The following SH2D4B variants were observed in gnomAD, a reference collection of about 807,000 sequenced individuals.
SH2D4B encodes SH2 domain containing 4B.
Under a neutral mutation model 61.5 loss-of-function variants are expected in SH2D4B, and 45 were observed. The observed-to-expected ratio is 0.73, with a 90% CI of 0.58 to 0.94. The LOEUF (loss-of-function observed/expected upper bound fraction) is 0.94, where lower values mean the gene tolerates loss of function less well. Ranked by LOEUF, SH2D4B falls within the 40% of genes least tolerant of loss-of-function variation. SH2D4B has a pLI of 0.00. For synonymous variants in SH2D4B, 224 were observed against 220.4 expected, an observed-to-expected ratio of 1.02 and a Z score of -0.14; for missense variants, 572 against 574.2, an observed-to-expected ratio of 1.00 and a Z score of 0.04.
intron 6 of SH2D4B, among the ~76,000 whole-genome samples, chr10:80,633,164 G>A (rs1459742724): frequency 1.3e-5 from 2 of 151,808 alleles, no homozygotes; most frequent in African/African-American, 4.8e-5. Flanking sequence ...GAAGTCACAG[G>A]TGTGCTGAGC....
intron 3 of SH2D4B, among the ~76,000 whole-genome samples, chr10:80,572,972 A>ATTTTTT (rs1842073695): frequency 1.1e-4 from 1 of 9,276 alleles, no homozygotes; most frequent in African/African-American, 2.9e-4. Flanking sequence ...ATATATATAT[A>ATTTTTT]TATATATATA....
chr10:80,628,002 A>C (rs933504889), intron 6 of SH2D4B, among the ~76,000 whole-genome samples: 1 of 152,176 alleles, frequency 6.6e-6, no homozygotes, highest in Non-Finnish European at 1.5e-5. Context: ...AGAGTGAGGA[A>C]GTTTCAAGGA....
rs201647355 is a variant in SH2D4B, at chr10:80,634,571, G to GC, written c.1209+67dup. 9.7e-4 allele frequency: 1,484 copies of GC among 1,526,700 alleles called. 29 individuals carry two copies. The East Asian group carries it at 0.033, about 34-fold the overall frequency. 94.6% of individuals were successfully genotyped at this position (1,526,700 alleles called of 1,614,324 possible). On this transcript the variant is annotated intron_variant, in intron 7 of 7. Transcript: ENST00000646907. ...GGTGGAAATTGGAGCTGAAGAGAGA[G>GC]CTAGAGCAAGAGAAGCAAGGCTGCT...
At chr10:80,624,248 C>G (rs1426681939) in intron 6 of SH2D4B, among the ~76,000 whole-genome samples, 1 of 152,176 alleles carries the variant, frequency 6.6e-6, no homozygotes, top group Non-Finnish European at 1.5e-5. Context: ...CTAGACTCTC[C>G]AACAGAAACT....
In SH2D4B at chr10:80,634,294, G is replaced by T. The variant is rs1842868807; in HGVS notation, c.998G>T (p.Ser333Ile). ...FIAPWFHGII[S>I]REDAEALLEN... Reference sequence around the variant, plus strand: ...TTCTATTTTAAATCAGGAATTATTAGCCGAGAAGATGCAGAAGCTCTCCTG... The same window carrying T: ...TTCTATTTTAAATCAGGAATTATTATCCGAGAAGATGCAGAAGCTCTCCTG... Residue 333 changes from serine to isoleucine, a missense_variant, in exon 7 of 8, where the codon AGC becomes ATC. Transcript: ENST00000646907. 2 of 1,506,068 alleles carry T rather than the reference G, an allele frequency of 1.3e-6. No individual in the cohort carries two copies. Among genetic ancestry groups the T allele is most frequent in the Non-Finnish European group, 1.8e-6 (2 of 1,124,966 alleles). The allele number at this position is 1,506,068 out of a possible 1,614,324, so 93.3% of individuals were successfully genotyped here.
chr10:80,608,443 A>G (rs1277422448), intron 5 of SH2D4B, among the ~76,000 whole-genome samples: 1 of 152,166 alleles, frequency 6.6e-6, no homozygotes, highest in African/African-American at 2.4e-5. Flanking sequence ...TTCATGCACC[A>G]TGGTGTTACT....
intron 5 of SH2D4B, among the ~76,000 whole-genome samples, chr10:80,605,522 T>G (rs1333448917): frequency 6.6e-6 from 1 of 152,188 alleles, no homozygotes; most frequent in African/African-American, 2.4e-5. Context: ...TTATATCTTC[T>G]TTTTTGTTTT....
intron 7 of SH2D4B, among the ~76,000 whole-genome samples, chr10:80,637,992 T>C (rs148627972): frequency 0.011 from 1,704 of 152,350 alleles, 28 homozygotes; most frequent in African/African-American, 0.04. Context: ...GTTTTTAGCA[T>C]GAAGGGCTGC....
chr10:80,573,083 C>G (rs550689635), intron 3 of SH2D4B, among the ~76,000 whole-genome samples: 2 of 131,642 alleles, frequency 1.5e-5, no homozygotes, highest in Non-Finnish European at 3.1e-5. Context: ...CTCCCGGGTT[C>G]ATGCCATTCC....
At chr10:80,543,312 G>C (rs1841610235) in intron 1 of SH2D4B, among the ~76,000 whole-genome samples, 2 of 152,146 alleles carry the variant, frequency 1.3e-5, no homozygotes, top group South Asian at 4.1e-4. Context: ...GTTCCGGGGG[G>C]CGTGGGCTGG....
chr10:80,546,225 T>C (rs1841678513), intron 1 of SH2D4B, among the ~76,000 whole-genome samples: 1 of 151,928 alleles, frequency 6.6e-6, no homozygotes, highest in South Asian at 2.1e-4. Flanking sequence ...TTGTGTTTTT[T>C]TTTGTAGAGA....
At chr10:80,628,504 A>G (rs1481611899) in intron 6 of SH2D4B, among the ~76,000 whole-genome samples, 2 of 152,148 alleles carry the variant, frequency 1.3e-5, no homozygotes, top group Admixed American at 6.5e-5. Context: ...AGTCTCAAGT[A>G]TGTCTTTATC....
At chr10:80,621,515 CTG>C (rs1388877130) in intron 6 of SH2D4B, among the ~76,000 whole-genome samples, 5 of 152,212 alleles carry the variant, frequency 3.3e-5, no homozygotes, top group African/African-American at 9.7e-5. Context: ...CTCAGTTTAA[CTG>C]TGATTTTCTA....
At chr10:80,566,740 G>A (rs1039145757) in intron 1 of SH2D4B, among the ~76,000 whole-genome samples, 1 of 152,162 alleles carries the variant, frequency 6.6e-6, no homozygotes, top group Non-Finnish European at 1.5e-5. Context: ...AGTGTCTGCT[G>A]TAATAGCTAC....
At chr10:80,602,123 C>T (rs11186236) in intron 4 of SH2D4B, among the ~76,000 whole-genome samples, 17,478 of 152,226 alleles carry the variant, frequency 0.11, 1,168 homozygotes, top group East Asian at 0.25. Context: ...GATATCTTTT[C>T]AAGGCCACTT....
At chr10:80,605,101 C>G (rs1371950442) in intron 5 of SH2D4B, among the ~76,000 whole-genome samples, 1 of 151,982 alleles carries the variant, frequency 6.6e-6, no homozygotes, top group Non-Finnish European at 1.5e-5. Context: ...CTCTGTTCTT[C>G]GTTTTTTATG....
chr10:80,604,342 T>C (rs1842490936), intron 5 of SH2D4B, among the ~76,000 whole-genome samples: 1 of 152,210 alleles, frequency 6.6e-6, no homozygotes, highest in Non-Finnish European at 1.5e-5. Flanking sequence ...TAGGTGACTG[T>C]CCGAAATTGC....
chr10:80,628,900 C>T (rs1008530133), intron 6 of SH2D4B, among the ~76,000 whole-genome samples: 5 of 151,916 alleles, frequency 3.3e-5, no homozygotes, highest in African/African-American at 4.8e-5. Context: ...CATAGTGGCG[C>T]ATGCCTGTAA....
chr10:80,575,903 C>T (rs1478163599), intron 3 of SH2D4B, among the ~76,000 whole-genome samples: 1 of 152,240 alleles, frequency 6.6e-6, no homozygotes, highest in Non-Finnish European at 1.5e-5. Context: ...ATCCAACCCA[C>T]AGTGGAGAGA....
Sources: allele counts gnomAD v4.1 joint callset (sites outside exome capture counted in the v4.1 genomes callset), GRCh38; gene constraint gnomAD v4.1.1; transcripts MANE v1.5; gene names NCBI Gene and HGNC (gene_info 2026-07-23, HGNC 2026-07-21).